The following ADAMTS6 variants were observed in gnomAD, a reference collection of about 807,000 sequenced individuals.
The protein encoded by ADAMTS6 is ADAM metallopeptidase with thrombospondin type 1 motif 6.
A neutral mutation model predicts 144.3 loss-of-function variants in ADAMTS6; 23 were observed. That is an observed-to-expected ratio of 0.16 (90% CI 0.11 to 0.23). The LOEUF (loss-of-function observed/expected upper bound fraction) is 0.23, where lower values mean the gene tolerates loss of function less well. Among genes scored for constraint, ADAMTS6 ranks in the 10% least tolerant of loss-of-function variants. The pLI, the probability that ADAMTS6 is intolerant of heterozygous loss-of-function variation, is 1.00. For synonymous variants in ADAMTS6, 444 were observed against 457.5 expected (o/e 0.97, Z 0.38); for missense variants, 999 against 1,379.6 (o/e 0.72, Z 4.37).
intron 14 of ADAMTS6, among the ~76,000 whole-genome samples, chr5:65,256,893 T>G (rs770732472): frequency 1.3e-5 from 2 of 151,792 alleles, no homozygotes; most frequent in African/African-American, 2.4e-5. Flanking sequence ...TCTTCTGAGA[T>G]TCACACCGTT....
At chr5:65,226,835 G>A (rs1422745588) in intron 15 of ADAMTS6, among the ~76,000 whole-genome samples, 3 of 152,010 alleles carry the variant, frequency 2.0e-5, no homozygotes, top group African/African-American at 7.2e-5. Flanking sequence ...CACCTGCTTT[G>A]GCCTCCCAAA....
At chr5:65,219,439 T>C (rs1757155564) in intron 18 of ADAMTS6, among the ~76,000 whole-genome samples, 1 of 152,170 alleles carries the variant, frequency 6.6e-6, no homozygotes, top group South Asian at 2.1e-4. Flanking sequence ...CTACATGTGT[T>C]CTACAAGAAA....
chr5:65,318,759 C>T (rs1239964803), intron 9 of ADAMTS6, among the ~76,000 whole-genome samples: 6 of 151,422 alleles, frequency 4.0e-5, no homozygotes, highest in Non-Finnish European at 2.9e-5. Context: ...GTGGGGGATG[C>T]GGGTAGGCTG....
intron 9 of ADAMTS6, among the ~76,000 whole-genome samples, chr5:65,322,678 C>T (rs1196576346): frequency 2.0e-5 from 3 of 150,482 alleles, no homozygotes; most frequent in African/African-American, 4.9e-5. Context: ...TGGCTCTTGG[C>T]TTAACTATTG....
chr5:65,216,939 T>C (rs1756970765), intron 18 of ADAMTS6, among the ~76,000 whole-genome samples: 1 of 152,110 alleles, frequency 6.6e-6, no homozygotes, highest in Non-Finnish European at 1.5e-5. Flanking sequence ...CTGCAAAAAC[T>C]TTGATTCGTC....
Position 65,149,838 on chromosome 5 carries a change from A to G in ADAMTS6, c.*1998T>C, listed in dbSNP as rs1752049337. The G allele has an allele frequency of 6.6e-6, 1 of 152,628 alleles. No homozygotes were observed. Among genetic ancestry groups the G allele is most frequent in the Admixed American group, 6.5e-5 (1 of 15,278 alleles). The allele number at this position is 152,628 out of a possible 1,614,324, so 9.5% of individuals were successfully genotyped here. ...CCCATGGGCTGTTTGCCCTTCACTG[A>G]ATGGCTAAGACGGCACTTGGGCTGG... On this transcript the variant is annotated 3_prime_UTR_variant, in exon 25 of 25. Transcript: ENST00000381055.
chr5:65,455,740 T>C (rs1185282625), intron 4 of ADAMTS6, among the ~76,000 whole-genome samples: 1 of 151,758 alleles, frequency 6.6e-6, no homozygotes, highest in Admixed American at 6.6e-5. Flanking sequence ...GAGGCGGAGG[T>C]TGCAGTGAGC....
At chr5:65,288,293 CTTTTTTCTTT>C (rs1741902108) in intron 11 of ADAMTS6, among the ~76,000 whole-genome samples, 1 of 147,600 alleles carries the variant, frequency 6.8e-6, no homozygotes, top group Non-Finnish European at 1.5e-5. Context: ...CTTTTTTTTT[CTTTTTTCTTT>C]TTTTCTTTTC....
chr5:65,210,809 G>A (rs1756473627), intron 20 of ADAMTS6: 3 of 519,166 alleles, frequency 5.8e-6, no homozygotes, highest in East Asian at 3.4e-5. Context: ...ATAAAGAACA[G>A]TGTAACTCCA....
At chr5:65,434,232 T>C (rs149510023) in intron 7 of ADAMTS6, among the ~76,000 whole-genome samples, 67 of 152,296 alleles carry the variant, frequency 4.4e-4, no homozygotes, top group African/African-American at 1.6e-3. Flanking sequence ...AGGTTTGTGG[T>C]TTCCTAGAAC....
intron 9 of ADAMTS6, among the ~76,000 whole-genome samples, chr5:65,305,079 T>C (rs1743801394): frequency 1.3e-5 from 2 of 152,150 alleles, no homozygotes; most frequent in Admixed American, 6.6e-5. Context: ...AAATACATGC[T>C]GAAATGTTTA....
chr5:65,327,036 G>A lies in ADAMTS6; in HGVS notation c.1223+2342C>T, dbSNP rs552231295. 7.9e-5 allele frequency among the ~76,000 whole-genome samples: 12 copies of A among 152,252 alleles called. No homozygotes were observed. In the South Asian group the frequency reaches 1.9e-3, roughly 24 times the overall value. On this transcript the variant is annotated intron_variant, in intron 9 of 24. Coordinates refer to ENST00000381055, the MANE Select transcript of ADAMTS6 (RefSeq NM_197941.4). ...GCCTGGTGGGAGGTATTTGGGTAAT[G>A]GGGGCAGATCCCTCATAATTGGCTT...
chr5:65,416,018 C>A, intron 7 of ADAMTS6: 1 of 184,470 alleles, frequency 5.4e-6, no homozygotes, highest in South Asian at 1.1e-4. Flanking sequence ...ACACTTCAGC[C>A]AGGGGCTGCA....
chr5:65,312,991 T>C (rs574535608), intron 9 of ADAMTS6, among the ~76,000 whole-genome samples: 1 of 152,198 alleles, frequency 6.6e-6, no homozygotes, highest in African/African-American at 2.4e-5. Context: ...CTAAAACTCT[T>C]ACCAGTCAAT....
chr5:65,375,558 G>A (rs1354763446), intron 7 of ADAMTS6, among the ~76,000 whole-genome samples: 1 of 152,062 alleles, frequency 6.6e-6, no homozygotes, highest in African/African-American at 2.4e-5. Context: ...AAACCACAAT[G>A]AGATACCATC....
chr5:65,289,700 G>A (rs776263541), intron 11 of ADAMTS6, among the ~76,000 whole-genome samples: 2 of 152,028 alleles, frequency 1.3e-5, no homozygotes, highest in Admixed American at 1.3e-4. Context: ...AGACTATATC[G>A]TGTAGCCATA....
chr5:65,406,028 A>G (rs1462929585), intron 7 of ADAMTS6, among the ~76,000 whole-genome samples: 1 of 152,192 alleles, frequency 6.6e-6, no homozygotes, highest in African/African-American at 2.4e-5. Context: ...GTTGCTTATT[A>G]GCTTAAGGAG....
At chr5:65,302,617 A>G (rs1013979516) in intron 9 of ADAMTS6, among the ~76,000 whole-genome samples, 3 of 151,990 alleles carry the variant, frequency 2.0e-5, no homozygotes, top group Admixed American at 6.6e-5. Context: ...AGGAATGTGA[A>G]GGTGAAGTTT....
chr5:65,339,717 T>C (rs1012522197), intron 7 of ADAMTS6, among the ~76,000 whole-genome samples: 1 of 151,184 alleles, frequency 6.6e-6, no homozygotes, highest in Non-Finnish European at 1.5e-5. Flanking sequence ...AGGAAATAAA[T>C]ACAATCAAGA....
Sources: allele counts gnomAD v4.1 joint callset (sites outside exome capture counted in the v4.1 genomes callset), GRCh38; gene constraint gnomAD v4.1.1; transcripts MANE v1.5; gene names NCBI Gene and HGNC (gene_info 2026-07-23, HGNC 2026-07-21).